Variants in FRAS1 observed in about 807,000 individuals in gnomAD.
FRAS1 encodes the protein Fraser extracellular matrix complex subunit 1.
Under a neutral mutation model 435.2 loss-of-function variants are expected in FRAS1, and 290 were observed. The ratio of observed to expected loss-of-function variants is 0.67; its 90% CI spans 0.61 to 0.73. The LOEUF is 0.73. Ranked by LOEUF, FRAS1 falls within the 30% of genes least tolerant of loss-of-function variation. The probability of loss-of-function intolerance (pLI) is 0.00; values close to 1 mark genes in which losing one functional copy is unlikely to be tolerated. For synonymous variants in FRAS1, 1,800 were observed against 1,851.0 expected, an observed-to-expected ratio of 0.97 and a Z score of 0.71; for missense variants, 4,860 against 5,001.5, an observed-to-expected ratio of 0.97 and a Z score of 0.85.
intron 45 of FRAS1, 117 bp from the exon 46 acceptor site, chr4:78,451,655 C>A (rs763360571): frequency 4.3e-6 from 3 of 704,546 alleles, no homozygotes; most frequent in Non-Finnish European, 6.5e-6. Context: ...AGTGTCAAAG[C>A]GAGGAAGGTG....
At chr4:78,490,445 TAACA>T (rs1327473075) in intron 59 of FRAS1, among the ~76,000 whole-genome samples, 2 of 152,118 alleles carry the variant, frequency 1.3e-5, no homozygotes, top group East Asian at 1.9e-4. Context: ...ACAGAAATCA[TAACA>T]AACAGTCTCT....
In FRAS1 at chr4:78,541,079, A is replaced by G; in HGVS notation, c.11994A>G (p.Leu3998=). ...GTGCTAAAGTCAAAAGACTGAATCT[A>G]GAAGTCAGAGTTCACAACAATTTAC... The part of the protein sequence containing the change: ...FKGAKVKRLN[L]EVRVHNNLQD... Residue 3998 remains leucine, a synonymous_variant, in exon 74 of 74, where the codon CTA becomes CTG. Transcript: ENST00000512123. 7.1e-7 allele frequency: 1 copy of G among 1,402,900 alleles called. No homozygotes were observed. The allele number at this position is 1,402,900 out of a possible 1,614,324, so 86.9% of individuals were successfully genotyped here. A position where few individuals can be genotyped will look rare whatever the true frequency, so the allele number is the denominator to read the frequency against.
intron 18 of FRAS1, among the ~76,000 whole-genome samples, chr4:78,325,786 G>A (rs59210732): frequency 0.28 from 43,149 of 152,096 alleles, 6,561 homozygotes; most frequent in Non-Finnish European, 0.33. Context: ...CAAAGTAGAC[G>A]GGCTCTGTCT....
chr4:78,382,661 G>T (rs1378333113), intron 27 of FRAS1, among the ~76,000 whole-genome samples: 1 of 152,062 alleles, frequency 6.6e-6, no homozygotes, highest in Non-Finnish European at 1.5e-5. Context: ...GTTTATTGAG[G>T]TATAATTTGC....
intron 35 of FRAS1, among the ~76,000 whole-genome samples, chr4:78,425,839 A>G (rs1407643024): frequency 6.6e-6 from 1 of 152,204 alleles, no homozygotes; most frequent in Non-Finnish European, 1.5e-5. Flanking sequence ...CCAAGTCATT[A>G]AGAGTAGATA....
Position 78,482,439 on chromosome 4 carries a change from C to A in FRAS1, c.8656C>A (p.Leu2886Met), listed in dbSNP as rs747418824. ...CACTCAGTATCCGGTAATTGAAGGA[C>A]TGGAGACATTTGTGGTTTTCCTCAG... ...DDTQYPVIEG[L>M]ETFVVFLSSA... Residue 2886 changes from leucine to methionine, a missense_variant, in exon 58 of 74, where the codon CTG becomes ATG. Physicochemically the swap from Leu to Met is conservative, Grantham distance 15 (BLOSUM62 2). Transcript: ENST00000512123. The A allele has an allele frequency of 1.2e-6, 2 of 1,613,894 alleles. No homozygotes were observed.
rs771971412 is a variant in FRAS1 at position 78,472,262 on chromosome 4, C to T, written c.7454C>T (p.Thr2485Met). The change falls in exon 52 of 74, where the codon ACG becomes ATG. Residue 2485 changes from threonine to methionine, a missense_variant. By Grantham distance (81) the Thr-to-Met change is moderately conservative. Transcript: ENST00000512123. The stretch of plus-strand genomic sequence containing the variant: ...GCGCAGCTTGTCTATGAGATAACGA[C>T]GGGCCCTAAGCATGGCTTTGTGGAG... ...EDAQLVYEITTGPKHGFVENK... is the reference protein window; with the variant it reads ...EDAQLVYEITMGPKHGFVENK... The T allele has an allele frequency of 8.7e-6, 14 of 1,613,586 alleles. No individual in the cohort carries two copies. The highest frequency in any genetic ancestry group is 5.5e-5 in the South Asian group (5 of 91,026).
At chr4:78,105,243 G>C (rs1453779710) in intron 2 of FRAS1, among the ~76,000 whole-genome samples, 1 of 152,142 alleles carries the variant, frequency 6.6e-6, no homozygotes, top group Non-Finnish European at 1.5e-5. Context: ...ATCTGCTCTG[G>C]ACTGTTGATT....
intron 20 of FRAS1, among the ~76,000 whole-genome samples, chr4:78,358,960 A>G (rs1253136372): frequency 2.6e-5 from 4 of 152,224 alleles, no homozygotes; most frequent in Admixed American, 1.3e-4. Flanking sequence ...AAAAATCTCT[A>G]TATGTAAAAT....
At chr4:78,213,074 G>A (rs1414209875) in intron 2 of FRAS1, among the ~76,000 whole-genome samples, 1 of 152,082 alleles carries the variant, frequency 6.6e-6, no homozygotes, top group Non-Finnish European at 1.5e-5. Context: ...TAATATCGTG[G>A]GACACAGACC....
At chr4:78,457,888 T>C (rs975685361) in intron 47 of FRAS1, among the ~76,000 whole-genome samples, 1 of 152,166 alleles carries the variant, frequency 6.6e-6, no homozygotes, top group African/African-American at 2.4e-5. Flanking sequence ...TTACCCTAAT[T>C]AGCCTTTTAA....
At chr4:78,494,109 T>G (rs895064335) in intron 59 of FRAS1, among the ~76,000 whole-genome samples, 1 of 152,232 alleles carries the variant, frequency 6.6e-6, no homozygotes, top group South Asian at 2.1e-4. Flanking sequence ...AACTTGTATT[T>G]CTTCTTAAGA....
chr4:78,521,009 G>A (rs72871374), intron 67 of FRAS1, among the ~76,000 whole-genome samples: 7 of 152,158 alleles, frequency 4.6e-5, no homozygotes, highest in African/African-American at 1.4e-4. Flanking sequence ...TGGGGACCAT[G>A]ACTACAATTT....
intron 51 of FRAS1, among the ~76,000 whole-genome samples, chr4:78,470,632 T>C (rs1719672463): frequency 6.6e-6 from 1 of 152,222 alleles, no homozygotes; most frequent in East Asian, 1.9e-4. Flanking sequence ...ACTGTTTATA[T>C]AGCATTTGTG....
At position 78,058,201 on chromosome 4, in the gene FRAS1, G is replaced by A. The variant is rs913852593; in HGVS notation, c.76+116G>A. On this transcript the variant is annotated intron_variant, in intron 1 of 73. Coordinates refer to ENST00000512123, the MANE Select transcript of FRAS1 (RefSeq NM_025074.7). ...GGTTTTATGGTATTTCGGTGAGGTG[G>A]AAGTTTTTCTGGGAAGGGTGAGGTG... 14 of 900,962 alleles carry A rather than the reference G, an allele frequency of 1.6e-5. No homozygotes were observed. In the African/African-American group the frequency reaches 2.0e-4, roughly 13 times the overall value. 55.8% of individuals were successfully genotyped at this position (900,962 alleles called of 1,614,324 possible).
intron 38 of FRAS1, among the ~76,000 whole-genome samples, chr4:78,434,973 T>C (rs1734359272): frequency 6.7e-6 from 1 of 149,310 alleles, no homozygotes; most frequent in Non-Finnish European, 1.5e-5. Flanking sequence ...CAAACGATCT[T>C]TCAATTCAAT....
At chr4:78,407,608 G>T in intron 30 of FRAS1, 55 bp from the exon 31 acceptor site, 1 of 1,440,804 alleles carries the variant, frequency 6.9e-7, no homozygotes, top group Non-Finnish European at 9.4e-7. Flanking sequence ...AAGGAGGTAA[G>T]GGCTCTGACT....
At chr4:78,392,293 T>C (rs12650818) in intron 29 of FRAS1, among the ~76,000 whole-genome samples, 21,151 of 152,160 alleles carry the variant, frequency 0.14, 1,849 homozygotes, top group African/African-American at 0.25. Flanking sequence ...AATTAAGGTA[T>C]ATTTTTACAG....
chr4:78,498,575 A>G (rs757276302), intron 60 of FRAS1, among the ~76,000 whole-genome samples: 10 of 151,960 alleles, frequency 6.6e-5, no homozygotes, highest in Non-Finnish European at 8.8e-5. Flanking sequence ...GGGCATTCTT[A>G]TTAAAAACTA....
Sources: allele counts gnomAD v4.1 joint callset (sites outside exome capture counted in the v4.1 genomes callset), GRCh38; gene constraint gnomAD v4.1.1; transcripts MANE v1.5; gene names NCBI Gene and HGNC (gene_info 2026-07-23, HGNC 2026-07-21).